The following RALGAPA1 variants were observed in gnomAD, a reference collection of about 807,000 sequenced individuals.
RALGAPA1 encodes ral GTPase-activating protein subunit alpha-1.
RALGAPA1 carries 52 observed loss-of-function variants against 269.6 expected under a neutral mutation model. The observed-to-expected ratio is 0.19, with a 90% CI of 0.15 to 0.24. The LOEUF (loss-of-function observed/expected upper bound fraction) is 0.24. Among genes scored for constraint, RALGAPA1 ranks in the 10% least tolerant of loss-of-function variants. The pLI, the probability that RALGAPA1 is intolerant of heterozygous loss-of-function variation, is 1.00. For missense variants in RALGAPA1, 1,917 were observed against 3,013.9 expected (o/e 0.64, Z 8.52); for synonymous variants, 817 against 1,008.3 (o/e 0.81, Z 3.60).
chr14:35,750,731 G>T, intron 8 of RALGAPA1, 41 bp from the exon 9 acceptor site: 1 of 1,483,520 alleles, frequency 6.7e-7, no homozygotes, highest in Non-Finnish European at 9.1e-7. Flanking sequence ...AAATAAGAAA[G>T]AAATTATGTT....
intron 4 of RALGAPA1, chr14:35,766,219 A>G: frequency 2.5e-6 from 2 of 814,180 alleles, no homozygotes; most frequent in Non-Finnish European, 2.2e-6. Flanking sequence ...GATTTGATGG[A>G]AGTGCAAGGA....
chr14:35,681,630 AT>A (rs1359552029), intron 21 of RALGAPA1, among the ~76,000 whole-genome samples: 1 of 152,218 alleles, frequency 6.6e-6, no homozygotes, highest in Non-Finnish European at 1.5e-5. Context: ...TAGTATTAAA[AT>A]TTGTTTTACA....
intron 10 of RALGAPA1, among the ~76,000 whole-genome samples, chr14:35,745,180 C>A (rs1230318976): frequency 2.6e-5 from 4 of 151,404 alleles, no homozygotes; most frequent in Non-Finnish European, 4.4e-5. Flanking sequence ...ACAATGAGAA[C>A]TAACTGTCAA....
intron 21 of RALGAPA1, among the ~76,000 whole-genome samples, chr14:35,680,084 T>C (rs530077739): frequency 6.0e-4 from 91 of 152,336 alleles, no homozygotes; most frequent in Non-Finnish European, 1.1e-3. Flanking sequence ...CCAAAAACTT[T>C]TAAGTACATG....
At chr14:35,628,147 C>G (rs1330597063) in intron 33 of RALGAPA1, among the ~76,000 whole-genome samples, 196 bp from the exon 34 acceptor site, 1 of 152,160 alleles carries the variant, frequency 6.6e-6, no homozygotes, top group African/African-American at 2.4e-5. Flanking sequence ...GAAGACCTTT[C>G]TGAAATTTTT....
Position 35,747,003 on chromosome 14 carries a change from GAA to G in RALGAPA1, c.1251+1580_1251+1581del, listed in dbSNP as rs1349577814. Among the ~76,000 whole-genome samples, 3 of 151,662 alleles carry G rather than the reference GAA, an allele frequency of 2.0e-5. No individual in the cohort carries two copies. In the East Asian group the frequency reaches 5.8e-4, roughly 29 times the overall value. ...ATCATCATTAAAAAAAAGAAAAAAAGAAAGAGAGAAAAACAAACAAGGGATAG... is the reference window on the plus strand; with the variant it reads ...ATCATCATTAAAAAAAAGAAAAAAAGAGAGAGAAAAACAAACAAGGGATAG... On this transcript the variant is annotated intron_variant, in intron 10 of 41. Coordinates refer to ENST00000680220, the MANE Select transcript of RALGAPA1 (RefSeq NM_001346249.2).
intron 12 of RALGAPA1, among the ~76,000 whole-genome samples, chr14:35,736,647 T>G (rs1181433060): frequency 6.6e-6 from 1 of 152,170 alleles, no homozygotes. Context: ...TAAATGCTTC[T>G]GATAAATCAA....
At chr14:35,752,857 A>G (rs1010683372) in intron 7 of RALGAPA1, among the ~76,000 whole-genome samples, 21 of 152,206 alleles carry the variant, frequency 1.4e-4, no homozygotes, top group African/African-American at 4.8e-4. Flanking sequence ...ATAAGTATAT[A>G]TACTAAGAAT....
intron 37 of RALGAPA1, among the ~76,000 whole-genome samples, chr14:35,584,146 T>C (rs925510248): frequency 1.3e-5 from 2 of 152,214 alleles, no homozygotes; most frequent in Non-Finnish European, 2.9e-5. Context: ...CATATTCATA[T>C]ATATATATAG....
chr14:35,734,990 C>T (rs1250407132), intron 12 of RALGAPA1, among the ~76,000 whole-genome samples: 1 of 151,228 alleles, frequency 6.6e-6, no homozygotes, highest in Non-Finnish European at 1.5e-5. Flanking sequence ...CAAATCAAAA[C>T]CACAATGCGA....
At chr14:35,719,841 C>T (rs1459519404) in intron 16 of RALGAPA1, among the ~76,000 whole-genome samples, 1 of 152,122 alleles carries the variant, frequency 6.6e-6, no homozygotes, top group Non-Finnish European at 1.5e-5. Flanking sequence ...ACCTCTGCCG[C>T]CTGGGTTCAA....
chr14:35,635,394 G>C, intron 32 of RALGAPA1, 70 bp downstream of exon 32: 1 of 1,432,800 alleles, frequency 7.0e-7, no homozygotes, highest in Non-Finnish European at 9.3e-7. Context: ...ATGTTATACT[G>C]AGAAATGTTA....
chr14:35,614,278 C>G (rs570932032), intron 35 of RALGAPA1, among the ~76,000 whole-genome samples: 5 of 152,188 alleles, frequency 3.3e-5, no homozygotes, highest in Non-Finnish European at 7.3e-5. Flanking sequence ...ATGTTCACAG[C>G]AGCATTATTC....
At chr14:35,650,028 G>C (rs1042266567) in intron 31 of RALGAPA1, among the ~76,000 whole-genome samples, 3 of 152,114 alleles carry the variant, frequency 2.0e-5, no homozygotes, top group African/African-American at 7.2e-5. Flanking sequence ...TCATAAACTG[G>C]ATTTGGAATT....
chr14:35,788,675 A>C (rs769553207), intron 1 of RALGAPA1, among the ~76,000 whole-genome samples: 2 of 152,194 alleles, frequency 1.3e-5, no homozygotes, highest in Non-Finnish European at 2.9e-5. Flanking sequence ...TAATTTGTCT[A>C]AAGTTTTTAA....
intron 39 of RALGAPA1, among the ~76,000 whole-genome samples, chr14:35,554,519 TG>T (rs1216943729): frequency 6.6e-6 from 1 of 150,968 alleles, no homozygotes; most frequent in Non-Finnish European, 1.5e-5. Flanking sequence ...GCTAATTTTT[TG>T]TATTTTTAGT....
chr14:35,615,963 G>T (rs1368615940), intron 35 of RALGAPA1, among the ~76,000 whole-genome samples: 5 of 152,070 alleles, frequency 3.3e-5, no homozygotes, highest in Non-Finnish European at 7.4e-5. Context: ...ATGGGGAAGA[G>T]TCAGGAGATG....
At chr14:35,641,384 C>T (rs1048888024) in intron 31 of RALGAPA1, among the ~76,000 whole-genome samples, 23 of 152,082 alleles carry the variant, frequency 1.5e-4, no homozygotes, top group African/African-American at 5.3e-4. Flanking sequence ...TGATAAACAA[C>T]GTCAAATTCA....
At chr14:35,796,790 T>TC (rs1242440509) in intron 1 of RALGAPA1, among the ~76,000 whole-genome samples, 1 of 149,344 alleles carries the variant, frequency 6.7e-6, no homozygotes, top group African/African-American at 2.4e-5. Context: ...AAAGTATCCT[T>TC]TTTTTTTTGA....
Sources: gnomAD v4.1 joint callset for allele counts (sites outside exome capture counted in the v4.1 genomes callset) on GRCh38, gnomAD v4.1.1 for gene constraint, MANE v1.5 for transcripts, NCBI Gene and HGNC (gene_info 2026-07-23, HGNC 2026-07-21) for gene names.